SHROOM3: variants seen among roughly 807,000 people sequenced by gnomAD.
SHROOM3 encodes the protein shroom family member 3.
SHROOM3 carries 47 observed loss-of-function variants against 138.6 expected under a neutral mutation model. The ratio of observed to expected loss-of-function variants is 0.34; its 90% confidence interval spans 0.27 to 0.43. The LOEUF is 0.43. Among genes scored for constraint, SHROOM3 ranks in the 20% least tolerant of loss-of-function variants. SHROOM3 has a pLI of 1.00. For synonymous variants in SHROOM3, 1,062 were observed against 1,063.3 expected, an observed-to-expected ratio of 1.00 and a Z score of 0.02; for missense variants, 2,491 against 2,596.5, an observed-to-expected ratio of 0.96 and a Z score of 0.88.
intron 2 of SHROOM3, among the ~76,000 whole-genome samples, chr4:76,707,632 A>C (rs1455565771): frequency 6.6e-6 from 1 of 152,254 alleles, no homozygotes; most frequent in East Asian, 1.9e-4. Flanking sequence ...AGACAGCATG[A>C]GTTCAATGTA....
At chr4:76,584,152 T>TA (rs943980306) in intron 2 of SHROOM3, among the ~76,000 whole-genome samples, 9 of 150,438 alleles carry the variant, frequency 6.0e-5, no homozygotes, top group South Asian at 4.2e-4. Context: ...CCATCTCTAC[T>TA]AAAAAAAAAT....
intron 2 of SHROOM3, among the ~76,000 whole-genome samples, chr4:76,680,690 T>C (rs556017899): frequency 3.3e-5 from 5 of 152,238 alleles, no homozygotes; most frequent in Non-Finnish European, 7.3e-5. Flanking sequence ...CTTCAGCAAC[T>C]CTGTGATTCA....
In SHROOM3 at chr4:76,731,330, G is replaced by C. The variant is rs116202223; in HGVS notation, c.587+395G>C. 2.5e-3 allele frequency among the ~76,000 whole-genome samples: 380 copies of C among 152,180 alleles called. 2 individuals carry two copies. The highest frequency in any genetic ancestry group is 8.7e-3 in the African/African-American group (359 of 41,486). ...TTCCTGTGTTTGAACTCCCCATTTGGTTTTGCTCTTTCAATTAAGGTAATT... is the reference window on the plus strand; with the variant it reads ...TTCCTGTGTTTGAACTCCCCATTTGCTTTTGCTCTTTCAATTAAGGTAATT... On this transcript the variant is annotated intron_variant, in intron 4 of 10. Transcript: ENST00000296043.
chr4:76,574,971 T>A (rs1392192095), intron 2 of SHROOM3, among the ~76,000 whole-genome samples: 1 of 152,130 alleles, frequency 6.6e-6, no homozygotes, highest in Non-Finnish European at 1.5e-5. Context: ...GCAAACCAAA[T>A]TCAATAGTAC....
intron 1 of SHROOM3, among the ~76,000 whole-genome samples, chr4:76,461,125 A>C (rs1731134544): frequency 6.6e-6 from 1 of 152,188 alleles, no homozygotes; most frequent in South Asian, 2.1e-4. Flanking sequence ...AAAAAGTCAC[A>C]TCTGAGACAC....
At chr4:76,563,091 TGGA>T (rs1222143720) in intron 2 of SHROOM3, among the ~76,000 whole-genome samples, 2 of 152,156 alleles carry the variant, frequency 1.3e-5, no homozygotes, top group African/African-American at 4.8e-5. Context: ...CTTCTTAAAA[TGGA>T]GGAGAACAGT....
At chr4:76,734,298 T>A (rs1720966365) in intron 4 of SHROOM3, among the ~76,000 whole-genome samples, 1 of 152,176 alleles carries the variant, frequency 6.6e-6, no homozygotes, top group Non-Finnish European at 1.5e-5. Context: ...AATTATATAT[T>A]TCTCTTTTAG....
At chr4:76,558,641 G>T (rs1733536890) in intron 2 of SHROOM3, among the ~76,000 whole-genome samples, 1 of 152,078 alleles carries the variant, frequency 6.6e-6, no homozygotes, top group Admixed American at 6.6e-5. Context: ...CAAATCACAA[G>T]AAACTGAAGG....
At chr4:76,733,054 G>A (rs1442353480) in intron 4 of SHROOM3, among the ~76,000 whole-genome samples, 2 of 152,148 alleles carry the variant, frequency 1.3e-5, no homozygotes, top group African/African-American at 4.8e-5. Flanking sequence ...TTAACAGAGT[G>A]CCCTTCAACA....
chr4:76,753,109 C>T (rs1184530772), intron 6 of SHROOM3, among the ~76,000 whole-genome samples: 1 of 152,078 alleles, frequency 6.6e-6, no homozygotes, highest in African/African-American at 2.4e-5. Context: ...CGGGAAGCCA[C>T]CAGGAAGTGC....
intron 2 of SHROOM3, among the ~76,000 whole-genome samples, chr4:76,630,122 T>C (rs1314404525): frequency 6.6e-6 from 1 of 152,208 alleles, no homozygotes; most frequent in African/African-American, 2.4e-5. Context: ...AGTTTCATTG[T>C]TTTGTATTTA....
intron 1 of SHROOM3, among the ~76,000 whole-genome samples, chr4:76,492,299 A>G (rs1420253561): frequency 2.0e-5 from 3 of 152,240 alleles, no homozygotes; most frequent in African/African-American, 7.2e-5. Context: ...ACTAATGAGA[A>G]TTAGCCTGCT....
intron 2 of SHROOM3, among the ~76,000 whole-genome samples, chr4:76,592,287 T>G (rs1427272666): frequency 6.6e-6 from 1 of 152,140 alleles, no homozygotes; most frequent in Non-Finnish European, 1.5e-5. Flanking sequence ...GGCAGTTAGC[T>G]TTTACTCTGA....
At chr4:76,619,389 A>G (rs1734949918) in intron 2 of SHROOM3, among the ~76,000 whole-genome samples, 1 of 152,168 alleles carries the variant, frequency 6.6e-6, no homozygotes, top group Non-Finnish European at 1.5e-5. Flanking sequence ...AGGTTTCTAA[A>G]TGGACCAATC....
intron 1 of SHROOM3, among the ~76,000 whole-genome samples, chr4:76,541,555 T>C (rs11097405): frequency 0.98 from 148,459 of 151,804 alleles, 72,684 homozygotes; most frequent in East Asian, 1. Context: ...GGCAGGGGCT[T>C]GGGGAATTCA....
chr4:76,571,910 C>G (rs1733839417), intron 2 of SHROOM3, among the ~76,000 whole-genome samples: 1 of 152,102 alleles, frequency 6.6e-6, no homozygotes, highest in African/African-American at 2.4e-5. Flanking sequence ...GTACGTGGGT[C>G]AAATACAGCT....
chr4:76,510,460 A>G lies in SHROOM3; in HGVS notation c.169-45149A>G, dbSNP rs114335243. Reference sequence around the variant, plus strand: ...AGTTACTTAACCTCTCTAAGCCTCAATTTCCTTAAATATAAGATGGTGGTA... The same window carrying G: ...AGTTACTTAACCTCTCTAAGCCTCAGTTTCCTTAAATATAAGATGGTGGTA... On this transcript the variant is annotated intron_variant, in intron 1 of 10. Transcript: ENST00000296043. Among the ~76,000 whole-genome samples, 865 of 152,280 alleles carry G rather than the reference A, an allele frequency of 5.7e-3. 9 individuals are homozygous for G. Among genetic ancestry groups the G allele is most frequent in the African/African-American group, 0.02 (826 of 41,546 alleles).
chr4:76,658,692 G>A, intron 2 of SHROOM3, among the ~76,000 whole-genome samples: 1 of 152,116 alleles, frequency 6.6e-6, no homozygotes, highest in Non-Finnish European at 1.5e-5. Context: ...GTTTGTGTGT[G>A]TGTGCACATG....
intron 1 of SHROOM3, among the ~76,000 whole-genome samples, chr4:76,535,156 T>C (rs1402517197): frequency 6.6e-6 from 1 of 152,210 alleles, no homozygotes; most frequent in Non-Finnish European, 1.5e-5. Flanking sequence ...CCTTTCCTTT[T>C]CAACTAGACT....
Sources: allele counts gnomAD v4.1 joint callset (sites outside exome capture counted in the v4.1 genomes callset), GRCh38; gene constraint gnomAD v4.1.1; transcripts MANE v1.5; gene names NCBI Gene and HGNC (gene_info 2026-07-23, HGNC 2026-07-21).